The following RHBDD1 variants were observed in gnomAD, a reference collection of about 807,000 sequenced individuals.
RHBDD1 encodes rhomboid domain containing 1.
Under a neutral mutation model 36.3 loss-of-function variants are expected in RHBDD1, and 38 were observed. That is an observed-to-expected ratio of 1.05 (90% CI 0.81 to 1.37). The LOEUF (loss-of-function observed/expected upper bound fraction) is 1.37, where lower values mean the gene tolerates loss of function less well. Ranked by LOEUF, RHBDD1 falls within the 40% of genes most tolerant of loss-of-function variation. The pLI is 0.00. For missense variants in RHBDD1, 393 were observed against 377.6 expected (o/e 1.04, Z -0.34); for synonymous variants, 151 against 136.5 (o/e 1.11, Z -0.74).
chr2:226,815,147 T>G, the RHBDD1 span, among the ~76,000 whole-genome samples: 7 of 152,336 alleles, frequency 4.6e-5, no homozygotes, highest in African/African-American at 1.7e-4. Flanking sequence ...TCTGATCACT[T>G]TCCAAGTATA....
At chr2:226,937,410 G>T (rs1360460410) in intron 8 of RHBDD1, among the ~76,000 whole-genome samples, 1 of 151,916 alleles carries the variant, frequency 6.6e-6, no homozygotes, top group Non-Finnish European at 1.5e-5. Flanking sequence ...TTTTTAATTT[G>T]AGCCTTTCTA....
chr2:226,821,469 A>G, the RHBDD1 span, among the ~76,000 whole-genome samples: 117 of 152,128 alleles, frequency 7.7e-4, 1 homozygote, highest in Middle Eastern at 6.8e-3. Context: ...CCCATGACTT[A>G]CTGGCTCTCA....
chr2:226,894,986 A>G (rs1946979809), intron 5 of RHBDD1, among the ~76,000 whole-genome samples: 1 of 152,174 alleles, frequency 6.6e-6, no homozygotes, highest in Admixed American at 6.5e-5. Flanking sequence ...GTGGATGCTT[A>G]GCGTTGGTGA....
intron 8 of RHBDD1, among the ~76,000 whole-genome samples, chr2:226,920,678 CATTG>C (rs1949246857): frequency 6.6e-6 from 1 of 152,100 alleles, no homozygotes; most frequent in Admixed American, 6.6e-5. Flanking sequence ...TAGTGTACCA[CATTG>C]ATTGATCTGC....
intron 3 of RHBDD1, among the ~76,000 whole-genome samples, chr2:226,845,185 T>C (rs1301249867): frequency 3.9e-5 from 6 of 152,244 alleles, no homozygotes; most frequent in Non-Finnish European, 7.3e-5. Context: ...AAAAAATGCA[T>C]GTGTAATTTA....
intron 5 of RHBDD1, among the ~76,000 whole-genome samples, chr2:226,886,656 A>G (rs764190092): frequency 3.3e-5 from 5 of 152,224 alleles, no homozygotes; most frequent in Non-Finnish European, 7.3e-5. Context: ...ACAAGGTAAT[A>G]ATGACTTTAA....
At chr2:226,946,327 T>G (rs776998986) in intron 8 of RHBDD1, among the ~76,000 whole-genome samples, 4 of 152,056 alleles carry the variant, frequency 2.6e-5, no homozygotes, top group African/African-American at 4.8e-5. Flanking sequence ...ATTTTTTTTG[T>G]CAAGTTTGTC....
intron 5 of RHBDD1, among the ~76,000 whole-genome samples, chr2:226,893,381 G>T (rs1267118743): frequency 2.0e-5 from 3 of 152,178 alleles, no homozygotes; most frequent in African/African-American, 7.2e-5. Context: ...AATAGCAGAT[G>T]GCAGAGCATT....
At chr2:226,838,361 T>A (rs1431562996) in intron 2 of RHBDD1, among the ~76,000 whole-genome samples, 2 of 151,784 alleles carry the variant, frequency 1.3e-5, no homozygotes, top group African/African-American at 4.8e-5. Context: ...GCATTAAATA[T>A]TTTTTTTTGT....
chr2:226,876,879 G>A (rs2125348183), intron 5 of RHBDD1, among the ~76,000 whole-genome samples: 1 of 152,152 alleles, frequency 6.6e-6, no homozygotes, highest in African/African-American at 2.4e-5. Flanking sequence ...ATAAGTTTAT[G>A]AAAAATTAAT....
intron 8 of RHBDD1, among the ~76,000 whole-genome samples, chr2:226,966,460 T>C (rs1237340275): frequency 2.6e-5 from 4 of 152,208 alleles, no homozygotes; most frequent in African/African-American, 9.7e-5. Flanking sequence ...TGGGAGCCAC[T>C]AGCCACAAGT....
intron 5 of RHBDD1, among the ~76,000 whole-genome samples, chr2:226,873,537 G>A (rs547357346): frequency 1.3e-5 from 2 of 152,320 alleles, no homozygotes; most frequent in South Asian, 4.1e-4. Flanking sequence ...TGCCTCATAA[G>A]CTTCTTGGCA....
intron 3 of RHBDD1, among the ~76,000 whole-genome samples, chr2:226,847,732 A>G (rs898982214): frequency 2.6e-5 from 4 of 152,264 alleles, no homozygotes; most frequent in African/African-American, 9.6e-5. Context: ...CATTCTACAA[A>G]GGCAAAATGA....
chr2:226,864,299 T>C (rs920907562), intron 3 of RHBDD1, among the ~76,000 whole-genome samples: 1 of 152,202 alleles, frequency 6.6e-6, no homozygotes, highest in Non-Finnish European at 1.5e-5. Flanking sequence ...TTTGTAGGTT[T>C]TTCATGAGGT....
At chr2:226,978,232 T>A (rs1482236027) in intron 8 of RHBDD1, among the ~76,000 whole-genome samples, 3 of 152,248 alleles carry the variant, frequency 2.0e-5, no homozygotes, top group Non-Finnish European at 4.4e-5. Context: ...TGATCATCTT[T>A]TTTTTAAAAT....
At chr2:226,912,660 G>A (rs1001361258) in intron 7 of RHBDD1, among the ~76,000 whole-genome samples, 7 of 152,132 alleles carry the variant, frequency 4.6e-5, no homozygotes, top group African/African-American at 7.2e-5. Context: ...GGCATATTCT[G>A]TAGAGACAGA....
intron 8 of RHBDD1, among the ~76,000 whole-genome samples, chr2:226,926,238 AAT>A (rs1230321531): frequency 6.6e-6 from 1 of 151,910 alleles, no homozygotes. Flanking sequence ...AAAAAAAAAA[AAT>A]AAGGGCCATT....
At chr2:226,954,016 G>A (rs1215735164) in intron 8 of RHBDD1, among the ~76,000 whole-genome samples, 3 of 152,130 alleles carry the variant, frequency 2.0e-5, no homozygotes, top group Non-Finnish European at 4.4e-5. Flanking sequence ...GAGGTTAAAC[G>A]GAAGTCACCT....
chr2:226,810,258 G>A, the RHBDD1 span, among the ~76,000 whole-genome samples: 399 of 152,106 alleles, frequency 2.6e-3, 1 homozygote, highest in African/African-American at 8.6e-3. Context: ...AGTGAGTATT[G>A]ACGGGGCATG....
Sources: gnomAD v4.1 joint callset for allele counts (sites outside exome capture counted in the v4.1 genomes callset) on GRCh38, gnomAD v4.1.1 for gene constraint, MANE v1.5 for transcripts, NCBI Gene and HGNC (gene_info 2026-07-23, HGNC 2026-07-21) for gene names.